SH3GL3: variants seen among roughly 807,000 people sequenced by gnomAD.
The protein encoded by SH3GL3 is endophilin-A3.
A neutral mutation model predicts 47.7 loss-of-function variants in SH3GL3; 33 were observed. The observed-to-expected ratio is 0.69, with a 90% CI of 0.52 to 0.92. The LOEUF is 0.92. SH3GL3 is among the 40% of genes least tolerant of loss of function. SH3GL3 has a pLI of 0.00. For missense variants in SH3GL3, 363 were observed against 417.8 expected, an observed-to-expected ratio of 0.87 and a Z score of 1.14; for synonymous variants, 155 against 148.8, an observed-to-expected ratio of 1.04 and a Z score of -0.30.
the SH3GL3 span, among the ~76,000 whole-genome samples, chr15:83,633,135 G>A: frequency 4.0e-5 from 6 of 151,894 alleles, no homozygotes; most frequent in Admixed American, 1.3e-4. Context: ...ATGAAAAGGA[G>A]GATAGGAAAA....
At chr15:83,566,610 A>G (rs1454875663) in intron 3 of SH3GL3, among the ~76,000 whole-genome samples, 2 of 152,236 alleles carry the variant, frequency 1.3e-5, no homozygotes, top group African/African-American at 4.8e-5. Context: ...CTCTATGTCT[A>G]CAAAACATTT....
intron 1 of SH3GL3, among the ~76,000 whole-genome samples, chr15:83,541,817 T>G (rs1253728509): frequency 6.6e-6 from 1 of 152,210 alleles, no homozygotes; most frequent in Non-Finnish European, 1.5e-5. Context: ...TATTATTAGA[T>G]TCTTTTTCCT....
chr15:83,481,127 T>C (rs949926608), intron 1 of SH3GL3, among the ~76,000 whole-genome samples: 3 of 151,934 alleles, frequency 2.0e-5, no homozygotes, highest in Non-Finnish European at 4.4e-5. Flanking sequence ...AATACAAAAA[T>C]TAGCGGGCGT....
chr15:83,566,833 G>A (rs2045570403), intron 3 of SH3GL3, among the ~76,000 whole-genome samples: 1 of 152,144 alleles, frequency 6.6e-6, no homozygotes, highest in African/African-American at 2.4e-5. Flanking sequence ...ACTCACAGCT[G>A]GCACGGGAAT....
intron 1 of SH3GL3, among the ~76,000 whole-genome samples, chr15:83,488,679 G>C (rs1420761931): frequency 3.9e-5 from 6 of 152,208 alleles, no homozygotes; most frequent in Non-Finnish European, 5.9e-5. Context: ...TCTGCTTCAG[G>C]AGGGTGTGCT....
the SH3GL3 span, among the ~76,000 whole-genome samples, chr15:83,633,567 T>C: frequency 1.3e-5 from 2 of 152,130 alleles, no homozygotes; most frequent in African/African-American, 4.8e-5. Context: ...ACCTGGAGAA[T>C]ATCTGAAGAC....
chr15:83,578,472 C>T (rs1429675102), intron 6 of SH3GL3, among the ~76,000 whole-genome samples: 1 of 152,180 alleles, frequency 6.6e-6, no homozygotes, highest in African/African-American at 2.4e-5. Context: ...TCCTTTGAGT[C>T]AAGTCAAAAT....
chr15:83,614,543 G>A (rs1482014873), intron 8 of SH3GL3, among the ~76,000 whole-genome samples: 1 of 152,162 alleles, frequency 6.6e-6, no homozygotes, highest in African/African-American at 2.4e-5. Context: ...GAAGGAGAGG[G>A]GAGGATCATT....
At chr15:83,453,424 A>C in intron 1 of SH3GL3, among the ~76,000 whole-genome samples, 1 of 96,734 alleles carries the variant, frequency 1.0e-5, no homozygotes, top group Non-Finnish European at 2.0e-5. Context: ...TCGGCTGTGA[A>C]TCCATCTGGT....
chr15:83,631,975 A>G, the SH3GL3 span, among the ~76,000 whole-genome samples: 106,884 of 152,102 alleles, frequency 0.7, 38,492 homozygotes, highest in South Asian at 0.91. Context: ...TTCCTCTTGA[A>G]CGCTTTGCCA....
intron 1 of SH3GL3, among the ~76,000 whole-genome samples, chr15:83,514,281 C>T (rs1347934014): frequency 6.6e-6 from 1 of 152,144 alleles, no homozygotes; most frequent in Non-Finnish European, 1.5e-5. Context: ...CAATTCAGCC[C>T]TCTGTTTTCC....
At chr15:83,553,930 C>A (rs910809124) in intron 1 of SH3GL3, among the ~76,000 whole-genome samples, 1 of 151,444 alleles carries the variant, frequency 6.6e-6, no homozygotes, top group African/African-American at 2.4e-5. Flanking sequence ...CCTCTTGGTT[C>A]GGTTTTTATT....
intron 6 of SH3GL3, among the ~76,000 whole-genome samples, chr15:83,582,375 AT>A (rs890406558): frequency 5.9e-5 from 9 of 152,140 alleles, no homozygotes; most frequent in Non-Finnish European, 1.0e-4. Flanking sequence ...TAGATTCCAG[AT>A]TCCTGAGGTC....
At chr15:83,536,405 CTTTTT>C (rs386383625) in intron 1 of SH3GL3, among the ~76,000 whole-genome samples, 15 of 113,704 alleles carry the variant, frequency 1.3e-4, no homozygotes, top group African/African-American at 4.5e-4. Flanking sequence ...CTTTTCTTTT[CTTTTT>C]TTTTTTTTTT....
At chr15:83,537,104 G>A (rs1426682800) in intron 1 of SH3GL3, among the ~76,000 whole-genome samples, 6 of 152,170 alleles carry the variant, frequency 3.9e-5, no homozygotes, top group African/African-American at 1.4e-4. Flanking sequence ...TTTTATGCTA[G>A]GGTCAGTGGC....
At chr15:83,464,551 T>A (rs1764330554) in intron 1 of SH3GL3, among the ~76,000 whole-genome samples, 1 of 152,190 alleles carries the variant, frequency 6.6e-6, no homozygotes, top group African/African-American at 2.4e-5. Flanking sequence ...TTTAAGATGT[T>A]CAAATGTGAA....
chr15:83,505,287 A>G (rs1326527711), intron 1 of SH3GL3, among the ~76,000 whole-genome samples: 2 of 152,058 alleles, frequency 1.3e-5, no homozygotes, highest in Non-Finnish European at 2.9e-5. Context: ...TTTTTCTTTA[A>G]CATTACTAGA....
At chr15:83,581,753 C>A (rs1205525465) in intron 6 of SH3GL3, among the ~76,000 whole-genome samples, 2 of 152,204 alleles carry the variant, frequency 1.3e-5, no homozygotes, top group African/African-American at 2.4e-5. Context: ...ATTTTCTCAT[C>A]TATTTTTGGC....
At chr15:83,548,960 ATCT>A (rs1372945524) in intron 1 of SH3GL3, among the ~76,000 whole-genome samples, 1 of 151,728 alleles carries the variant, frequency 6.6e-6, no homozygotes, top group African/African-American at 2.4e-5. Context: ...TGTGTTTTTC[ATCT>A]TCTTTCCCTT....
Sources: allele counts gnomAD v4.1 joint callset (sites outside exome capture counted in the v4.1 genomes callset), GRCh38; gene constraint gnomAD v4.1.1; transcripts MANE v1.5; gene names NCBI Gene and HGNC (gene_info 2026-07-23, HGNC 2026-07-21).